LRRC7: variants seen among roughly 807,000 people sequenced by gnomAD.
The protein encoded by LRRC7 is leucine rich repeat containing 7, also known as leucine-rich repeat-containing protein 7.
Under a neutral mutation model 175.7 loss-of-function variants are expected in LRRC7, and 23 were observed. The observed-to-expected ratio is 0.13, with a 90% confidence interval of 0.09 to 0.19. LRRC7 has a LOEUF of 0.19. Ranked by LOEUF, LRRC7 falls within the 10% of genes least tolerant of loss-of-function variation. The probability of loss-of-function intolerance (pLI) is 1.00; values close to 1 mark genes in which losing one functional copy is unlikely to be tolerated. For synonymous variants in LRRC7, 685 were observed against 680.9 expected (o/e 1.01, Z -0.09); for missense variants, 1,354 against 1,904.7 (o/e 0.71, Z 5.38).
At chr1:70,114,641 T>C (rs1219861724) in intron 26 of LRRC7, among the ~76,000 whole-genome samples, 1 of 152,210 alleles carries the variant, frequency 6.6e-6, no homozygotes, top group South Asian at 2.1e-4. Flanking sequence ...TGAGCTATGA[T>C]AGAGCCATTG....
chr1:70,069,312 G>A (rs1159589323), intron 23 of LRRC7, among the ~76,000 whole-genome samples: 1 of 152,084 alleles, frequency 6.6e-6, no homozygotes, highest in Non-Finnish European at 1.5e-5. Context: ...AGTGCAAGCA[G>A]GGGAAATGCC....
chr1:69,659,900 G>T (rs1657201061), intron 1 of LRRC7, among the ~76,000 whole-genome samples: 1 of 151,780 alleles, frequency 6.6e-6, no homozygotes, highest in South Asian at 2.1e-4. Flanking sequence ...TTCAAAAGAA[G>T]AGAAGAAAAG....
At chr1:69,952,529 A>C (rs1336534812) in intron 8 of LRRC7, among the ~76,000 whole-genome samples, 1 of 152,080 alleles carries the variant, frequency 6.6e-6, no homozygotes, top group Non-Finnish European at 1.5e-5. Flanking sequence ...TCATTACTTA[A>C]ATGTTCAAAC....
At position 70,036,634 on chromosome 1, in the gene LRRC7, G is replaced by A. The variant is rs775847763; in HGVS notation, c.2288+10G>A. On this transcript the variant is annotated intron_variant, in intron 20 of 26. Coordinates refer to ENST00000651989, the MANE Select transcript of LRRC7 (RefSeq NM_001370785.2). ...CTTTGTGGGGTAACAGGTGTGTTTA[G>A]AATTCCCTCCTTTTGTTCCCAAACG... 2.5e-6 allele frequency: 4 copies of A among 1,585,922 alleles called. No individual in the cohort carries two copies. The highest frequency in any genetic ancestry group is 3.8e-5 in the Admixed American group (2 of 52,266).
intron 1 of LRRC7, among the ~76,000 whole-genome samples, chr1:69,611,422 A>C (rs1322263548): frequency 6.6e-6 from 1 of 152,072 alleles, no homozygotes; most frequent in African/African-American, 2.4e-5. Context: ...TTGTATTCTG[A>C]AATGTTGCTA....
intron 11 of LRRC7, 123 bp from the exon 12 acceptor site, chr1:70,011,674 T>C (rs1030307997): frequency 3.0e-5 from 18 of 610,030 alleles, no homozygotes; most frequent in African/African-American, 7.5e-5. Flanking sequence ...TGGTAAATTA[T>C]ATAATATTAT....
At position 69,838,294 on chromosome 1, in the gene LRRC7, G is replaced by A. The variant is rs1463386776; in HGVS notation, c.647+11G>A. Reference sequence around the variant, plus strand: ...GAAAACTCTACCAAAGTAAGTGACTGTGTATTTTCTGAATTTTGAACTGTG... The same window carrying A: ...GAAAACTCTACCAAAGTAAGTGACTATGTATTTTCTGAATTTTGAACTGTG... On this transcript the variant is annotated intron_variant, in intron 7 of 26. Coordinates refer to ENST00000651989, the MANE Select transcript of LRRC7 (RefSeq NM_001370785.2). The A allele has an allele frequency of 6.3e-7, 1 of 1,597,282 alleles. No individual in the cohort carries two copies. Among genetic ancestry groups the A allele is most frequent in the African/African-American group, 1.3e-5 (1 of 74,396 alleles).
intron 26 of LRRC7, among the ~76,000 whole-genome samples, chr1:70,116,365 GT>G (rs1665849900): frequency 1.3e-5 from 2 of 152,092 alleles, no homozygotes. Flanking sequence ...GGTTAACACG[GT>G]GAAACCCCAT....
intron 7 of LRRC7, among the ~76,000 whole-genome samples, chr1:69,854,821 A>G (rs1452455239): frequency 1.3e-5 from 2 of 152,164 alleles, no homozygotes; most frequent in African/African-American, 2.4e-5. Flanking sequence ...GATTTTTTTA[A>G]GTTTACAAAA....
chr1:70,120,495 A>G (rs1666137799), intron 26 of LRRC7, among the ~76,000 whole-genome samples: 1 of 152,062 alleles, frequency 6.6e-6, no homozygotes, highest in African/African-American at 2.4e-5. Context: ...ATAATGTATC[A>G]TATAACTTTC....
chr1:69,698,831 G>A (rs545278981), intron 2 of LRRC7, among the ~76,000 whole-genome samples: 1 of 152,292 alleles, frequency 6.6e-6, no homozygotes, highest in South Asian at 2.1e-4. Context: ...GTTGTTGTTA[G>A]ACTATCTCAG....
rs1444011786 is a variant in LRRC7 at position 69,792,348 on chromosome 1, A to G, written c.421+188A>G. On this transcript the variant is annotated intron_variant, in intron 4 of 26. Transcript: ENST00000651989. ...CAGACGTCCTGTCTCTCCTCCTCTT[A>G]CTAATGTGCTTGACTCGTTCAAGTC... 3.3e-5 allele frequency among the ~76,000 whole-genome samples: 5 copies of G among 152,146 alleles called. No homozygotes were observed. In the East Asian group the frequency reaches 7.7e-4, roughly 23 times the overall value.
intron 11 of LRRC7, among the ~76,000 whole-genome samples, chr1:70,002,232 T>C (rs1655603080): frequency 6.6e-6 from 1 of 152,148 alleles, no homozygotes; most frequent in African/African-American, 2.4e-5. Context: ...ACTGCTGGAC[T>C]AGGAATCAGA....
chr1:69,781,806 G>A (rs1399357152), intron 3 of LRRC7, among the ~76,000 whole-genome samples: 25 of 83,712 alleles, frequency 3.0e-4, no homozygotes, highest in Non-Finnish European at 3.7e-4. Context: ...AGGAAGGAAG[G>A]AAGGAAGGAA....
At chr1:69,770,206 C>T (rs1043366623) in intron 3 of LRRC7, among the ~76,000 whole-genome samples, 3 of 152,110 alleles carry the variant, frequency 2.0e-5, no homozygotes, top group African/African-American at 7.2e-5. Flanking sequence ...TCTAATGCAA[C>T]AAGGGGAAAT....
chr1:69,594,851 T>A (rs1646775562), intron 1 of LRRC7, among the ~76,000 whole-genome samples: 1 of 152,190 alleles, frequency 6.6e-6, no homozygotes, highest in African/African-American at 2.4e-5. Flanking sequence ...GTTTCTCTCC[T>A]CAGTGACTTT....
At chr1:70,008,756 CTATAG>C (rs1260241385) in intron 11 of LRRC7, among the ~76,000 whole-genome samples, 1 of 152,098 alleles carries the variant, frequency 6.6e-6, no homozygotes, top group Non-Finnish European at 1.5e-5. Flanking sequence ...ATTATTTGGT[CTATAG>C]TATCTGTCTA....
Position 69,617,547 on chromosome 1 carries a change from TAAAAA to T in LRRC7, c.2+48927_2+48931del, listed in dbSNP as rs11473590. On this transcript the variant is annotated intron_variant, in intron 1 of 26. Transcript: ENST00000651989. ...GCTGAAGGTTGTTATATACTCACAG[TAAAAA>T]AAAAAAAAAAAAAAAAAAAATCAGA... is the stretch of plus-strand genomic sequence containing the variant. 6.5e-4 allele frequency among the ~76,000 whole-genome samples: 40 copies of T among 62,006 alleles called. 1 individual carries two copies. Among genetic ancestry groups the T allele is most frequent in the South Asian group, 2.3e-3 (3 of 1,314 alleles). 40.7% of individuals were successfully genotyped at this position (62,006 alleles called of 152,430 possible).
chr1:69,791,689 G>A (rs1166800433), intron 3 of LRRC7, among the ~76,000 whole-genome samples: 2 of 152,114 alleles, frequency 1.3e-5, no homozygotes, highest in African/African-American at 4.8e-5. Context: ...GAGAACTGAG[G>A]TAATCCTGGT....
Sources: allele counts gnomAD v4.1 joint callset (sites outside exome capture counted in the v4.1 genomes callset), GRCh38; gene constraint gnomAD v4.1.1; transcripts MANE v1.5; gene names NCBI Gene and HGNC (gene_info 2026-07-23, HGNC 2026-07-21).